The following EYA4 variants were observed in gnomAD, a reference collection of about 807,000 sequenced individuals.
The protein encoded by EYA4 is protein phosphatase EYA4.
A neutral mutation model predicts 87.9 loss-of-function variants in EYA4; 31 were observed. The observed-to-expected ratio is 0.35, with a 90% CI of 0.27 to 0.48. EYA4 has a LOEUF of 0.48. EYA4 is among the 20% of genes least tolerant of loss of function. The pLI is 0.99. For synonymous variants in EYA4, 263 were observed against 270.6 expected, an observed-to-expected ratio of 0.97 and a Z score of 0.28; for missense variants, 678 against 761.4, an observed-to-expected ratio of 0.89 and a Z score of 1.29.
At chr6:133,520,769 T>C (rs1392156240) in intron 17 of EYA4, among the ~76,000 whole-genome samples, 4 of 152,150 alleles carry the variant, frequency 2.6e-5, no homozygotes, top group Admixed American at 6.5e-5. Context: ...AACAGCGATA[T>C]AGATCAAAGG....
At chr6:133,282,432 T>C (rs1777701060) in intron 2 of EYA4, among the ~76,000 whole-genome samples, 1 of 152,180 alleles carries the variant, frequency 6.6e-6, no homozygotes, top group Admixed American at 6.5e-5. Context: ...CTTCTAAGTA[T>C]TTTTTAAACT....
At chr6:133,462,906 G>A in intron 9 of EYA4, 142 bp downstream of exon 9, 1 of 795,378 alleles carries the variant, frequency 1.3e-6, no homozygotes, top group Non-Finnish European at 2.1e-6. Flanking sequence ...AAGATAACTA[G>A]ACAGAAACAC....
intron 11 of EYA4, among the ~76,000 whole-genome samples, chr6:133,476,652 T>C (rs1170648433): frequency 6.6e-6 from 1 of 152,178 alleles, no homozygotes; most frequent in African/African-American, 2.4e-5. Context: ...GTTTATCCAT[T>C]GATGAACACT....
intron 13 of EYA4, among the ~76,000 whole-genome samples, chr6:133,499,089 C>T (rs1407054711): frequency 6.6e-6 from 1 of 152,110 alleles, no homozygotes; most frequent in African/African-American, 2.4e-5. Context: ...ATAGAGCAAC[C>T]TTCTGTAACC....
Position 133,321,783 on chromosome 6 carries a change from A to G in EYA4, c.33+46970A>G, listed in dbSNP as rs182058011. Among the ~76,000 whole-genome samples the G allele has an allele frequency of 4.9e-4, 74 of 152,268 alleles. 1 individual carries two copies. The highest frequency in any genetic ancestry group is 1.9e-3 in the Admixed American group (29 of 15,286). On this transcript the variant is annotated intron_variant, in intron 2 of 19. Transcript: ENST00000355286. ...CTTTTCACATTAGATGAAATTGAGTATGAGATGGGAAAATGAGCACCACAC... is the reference window on the plus strand; with the variant it reads ...CTTTTCACATTAGATGAAATTGAGTGTGAGATGGGAAAATGAGCACCACAC...
chr6:133,252,641 A>G (rs2128232313), intron 1 of EYA4, among the ~76,000 whole-genome samples: 1 of 152,322 alleles, frequency 6.6e-6, no homozygotes, highest in Non-Finnish European at 1.5e-5. Context: ...ACATAAAGTG[A>G]GAGAGGATAA....
chr6:133,486,329 T>C (rs1054985574), intron 13 of EYA4, among the ~76,000 whole-genome samples: 1 of 151,202 alleles, frequency 6.6e-6, no homozygotes, highest in African/African-American at 2.5e-5. Context: ...GAGAAGTAGC[T>C]AAATAAGGCC....
At chr6:133,275,814 A>C (rs1368355994) in intron 2 of EYA4, among the ~76,000 whole-genome samples, 1 of 152,176 alleles carries the variant, frequency 6.6e-6, no homozygotes, top group Non-Finnish European at 1.5e-5. Flanking sequence ...ACCATAGTCT[A>C]ATTTCAATAT....
chr6:133,252,575 G>A (rs115343851), intron 1 of EYA4, among the ~76,000 whole-genome samples: 3,520 of 152,156 alleles, frequency 0.023, 118 homozygotes, highest in African/African-American at 0.078. Flanking sequence ...CATAATTTAA[G>A]CATATATGAA....
chr6:133,519,638 C>T (rs1448117510), intron 17 of EYA4, among the ~76,000 whole-genome samples: 1 of 151,086 alleles, frequency 6.6e-6, no homozygotes, highest in Non-Finnish European at 1.5e-5. Context: ...CTCTCTAACT[C>T]ATTTTATGAG....
intron 3 of EYA4, among the ~76,000 whole-genome samples, chr6:133,421,800 A>C (rs1790244016): frequency 6.6e-6 from 1 of 152,198 alleles, no homozygotes; most frequent in Non-Finnish European, 1.5e-5. Flanking sequence ...GGACAGAGTT[A>C]TGGATAGCCG....
rs1489766360 is a variant in EYA4, at chr6:133,328,710, C to CA, written c.34-53679dup. Among the ~76,000 whole-genome samples, 3 of 119,706 alleles carry CA rather than the reference C, an allele frequency of 2.5e-5. No homozygotes were observed. The South Asian group carries it at 7.7e-4, about 31-fold the overall frequency. 78.5% of individuals were successfully genotyped at this position (119,706 alleles called of 152,430 possible). A position where few individuals can be genotyped will look rare whatever the true frequency, so the allele number is the denominator to read the frequency against. ...GGATAGACAAATAGATACAAACAAA[C>CA]AAACAAAAAAACCAGACAAATGTAT... is the stretch of plus-strand genomic sequence containing the variant. On this transcript the variant is annotated intron_variant, in intron 2 of 19. Transcript: ENST00000355286.
Position 133,523,122 on chromosome 6 carries a change from C to T in EYA4, c.1683C>T (p.Leu561=). The change falls in exon 18 of 20, where the codon CTC becomes CTT. Residue 561 remains leucine, a synonymous_variant. Coordinates refer to ENST00000355286, the MANE Select transcript of EYA4 (RefSeq NM_004100.5). ...TCCCAGCACTTGCGAAGGTTCTACT[C>T]TATAGTTTAGGAGGTGCTTTCCCCA... ...QLIPALAKVL[L]YSLGGAFPIE... 1 of 1,612,334 alleles carries T rather than the reference C, an allele frequency of 6.2e-7. No homozygotes were observed. The highest frequency in any genetic ancestry group is 1.7e-5 in the Admixed American group (1 of 59,920).
At chr6:133,423,138 CAGG>C (rs1385896388) in intron 3 of EYA4, among the ~76,000 whole-genome samples, 2 of 151,634 alleles carry the variant, frequency 1.3e-5, no homozygotes, top group Non-Finnish European at 2.9e-5. Context: ...GGAGGGTTTG[CAGG>C]AGGATCAGGG....
intron 3 of EYA4, among the ~76,000 whole-genome samples, chr6:133,420,786 G>T (rs1790152528): frequency 6.6e-6 from 1 of 152,212 alleles, no homozygotes; most frequent in East Asian, 1.9e-4. Flanking sequence ...TTTGCTACAT[G>T]CAGACAGATA....
intron 3 of EYA4, among the ~76,000 whole-genome samples, chr6:133,444,586 G>T (rs1792618121): frequency 6.6e-6 from 1 of 152,162 alleles, no homozygotes; most frequent in Non-Finnish European, 1.5e-5. Flanking sequence ...AGTCTTATGA[G>T]AGGCCCTAGA....
rs1189371824 is a variant in EYA4 at position 133,456,539 on chromosome 6, C to T, written c.278-17C>T. 1 of 1,553,356 alleles carries T rather than the reference C, an allele frequency of 6.4e-7. No individual in the cohort carries two copies. Among genetic ancestry groups the T allele is most frequent in the South Asian group, 1.1e-5 (1 of 89,862 alleles). On this transcript the variant is annotated splice_polypyrimidine_tract_variant and intron_variant, in intron 5 of 19. Transcript: ENST00000355286. ...AATTTAGAAGTAAAACTCACATGTA[C>T]TTATTCTTCTACGTAGTGTCTCTTC...
chr6:133,411,998 CA>C (rs1164362653), intron 3 of EYA4, among the ~76,000 whole-genome samples: 1 of 152,204 alleles, frequency 6.6e-6, no homozygotes, highest in East Asian at 1.9e-4. Context: ...CTTGTTTTGT[CA>C]TTGTAAACTA....
intron 13 of EYA4, among the ~76,000 whole-genome samples, chr6:133,502,081 C>A (rs1187941054): frequency 6.6e-6 from 1 of 151,896 alleles, no homozygotes; most frequent in Non-Finnish European, 1.5e-5. Flanking sequence ...CACTCTCTCT[C>A]TCTCTCTATT....
Sources: gnomAD v4.1 joint callset for allele counts (sites outside exome capture counted in the v4.1 genomes callset) on GRCh38, gnomAD v4.1.1 for gene constraint, MANE v1.5 for transcripts, NCBI Gene and HGNC (gene_info 2026-07-23, HGNC 2026-07-21) for gene names.